Variants in CHRNA9 observed in about 807,000 individuals in gnomAD.
CHRNA9 encodes neuronal acetylcholine receptor subunit alpha-9.
A neutral mutation model predicts 36.8 loss-of-function variants in CHRNA9; 24 were observed. The ratio of observed to expected loss-of-function variants is 0.65; its 90% CI spans 0.47 to 0.92. The LOEUF (loss-of-function observed/expected upper bound fraction) is 0.92, where lower values mean the gene tolerates loss of function less well. Among genes scored for constraint, CHRNA9 ranks in the 40% least tolerant of loss-of-function variants. The pLI is 0.00. For missense variants in CHRNA9, 610 were observed against 601.2 expected, an observed-to-expected ratio of 1.01 and a Z score of -0.15; for synonymous variants, 231 against 231.8, an observed-to-expected ratio of 1.00 and a Z score of 0.03.
rs748025938 is a variant in CHRNA9 at position 40,335,964 on chromosome 4, A to G, written c.202A>G (p.Lys68Glu). The G allele has an allele frequency of 3.8e-5, 62 of 1,612,470 alleles. No individual in the cohort carries two copies. The highest frequency in any genetic ancestry group is 3.9e-5 in the Non-Finnish European group (46 of 1,178,616). The change falls in exon 2 of 5, where the codon AAG becomes GAG. Residue 68 changes from lysine (K) to glutamate (E), a missense_variant. By Grantham distance (56) the Lys-to-Glu change is moderately conservative. Coordinates refer to ENST00000310169, the MANE Select transcript of CHRNA9 (RefSeq NM_017581.4). ...VTLQITLSQI[K>E]DMDERNQILT... ...CCTGCAGATTACGCTCTCTCAGATT[A>G]AGGATATGGTGAGTAACACATGGTG...
At chr4:40,338,840 GTC>G (rs954904020) in intron 3 of CHRNA9, among the ~76,000 whole-genome samples, 7 of 137,988 alleles carry the variant, frequency 5.1e-5, no homozygotes, top group Non-Finnish European at 4.6e-5. Flanking sequence ...CGCTCTCTCT[GTC>G]TCTGTCTCTG....
chr4:40,350,130 T>G (rs1017436996), intron 4 of CHRNA9, among the ~76,000 whole-genome samples: 1 of 152,224 alleles, frequency 6.6e-6, no homozygotes, highest in South Asian at 2.1e-4. Context: ...ATGTGCTTTT[T>G]AAGCCTGACA....
rs578101776 is a variant in CHRNA9 at position 40,352,657 on chromosome 4, C to A, written c.899-1322C>A. 8.5e-5 allele frequency among the ~76,000 whole-genome samples: 13 copies of A among 152,134 alleles called. No individual in the cohort carries two copies. In the South Asian group the frequency reaches 2.5e-3, roughly 29 times the overall value. ...AGTTTATCAATTTTATTACTCTTTT[C>A]AAAAGTTTGCTTTTGGTTTTATTCA... On this transcript the variant is annotated intron_variant, in intron 4 of 4. Coordinates refer to ENST00000310169, the MANE Select transcript of CHRNA9 (RefSeq NM_017581.4).
At chr4:40,346,862 G>A (rs1182516132) in intron 3 of CHRNA9, among the ~76,000 whole-genome samples, 4 of 152,058 alleles carry the variant, frequency 2.6e-5, no homozygotes, top group Non-Finnish European at 5.9e-5. Context: ...CCAGGCTGGA[G>A]TGCAGTGGTG....
chr4:40,355,194 G>A lies in CHRNA9; in HGVS notation c.*674G>A, dbSNP rs898502111. On this transcript the variant is annotated 3_prime_UTR_variant, in exon 5 of 5. Transcript: ENST00000310169. ...TGAAGCTGTTCCTGCATTTAGTCTTGTATTAAAATAAGGTGATTAGCAAGC... is the reference window on the plus strand; with the variant it reads ...TGAAGCTGTTCCTGCATTTAGTCTTATATTAAAATAAGGTGATTAGCAAGC... The A allele has an allele frequency of 6.6e-6, 1 of 152,176 alleles. No homozygotes were observed. The highest frequency in any genetic ancestry group is 1.5e-5 in the Non-Finnish European group (1 of 68,038). 9.4% of individuals were successfully genotyped at this position (152,176 alleles called of 1,614,324 possible). A position where few individuals can be genotyped will look rare whatever the true frequency, so the allele number is the denominator to read the frequency against.
chr4:40,351,988 A>G (rs9968307), intron 4 of CHRNA9, among the ~76,000 whole-genome samples: 20,804 of 152,184 alleles, frequency 0.14, 1,435 homozygotes, highest in Middle Eastern at 0.16. Context: ...AATGAACTGG[A>G]CAGTTTTCCC....
intron 3 of CHRNA9, among the ~76,000 whole-genome samples, chr4:40,340,397 C>G (rs1712463977): frequency 1.3e-5 from 2 of 152,132 alleles, no homozygotes. Context: ...AGAGGAACCT[C>G]TAAATGGAGC....
At chr4:40,339,552 A>G (rs112290850) in intron 3 of CHRNA9, among the ~76,000 whole-genome samples, 21,193 of 149,588 alleles carry the variant, frequency 0.14, 1,525 homozygotes, top group Middle Eastern at 0.16. Flanking sequence ...GTATGGTGGC[A>G]GGCACCAGGA....
chr4:40,354,660 T>C lies in CHRNA9; in HGVS notation c.*140T>C. On this transcript the variant is annotated 3_prime_UTR_variant, in exon 5 of 5. Transcript: ENST00000310169. ...CTTTTTATTTTTAGCTTCAAATGAATGTCGAAGCTATCTGCTCTGTTAAAT... is the reference window on the plus strand; with the variant it reads ...CTTTTTATTTTTAGCTTCAAATGAACGTCGAAGCTATCTGCTCTGTTAAAT... The C allele has an allele frequency of 1.4e-6, 1 of 739,166 alleles. No homozygotes were observed. Among genetic ancestry groups the C allele is most frequent in the Non-Finnish European group, 2.2e-6 (1 of 448,760 alleles). 45.8% of individuals were successfully genotyped at this position (739,166 alleles called of 1,614,324 possible). A position where few individuals can be genotyped will look rare whatever the true frequency, so the allele number is the denominator to read the frequency against.
rs1712858411 is a variant in CHRNA9, at chr4:40,353,418, G to A, written c.899-561G>A. Among the ~76,000 whole-genome samples, 3 of 151,966 alleles carry A rather than the reference G, an allele frequency of 2.0e-5. No individual in the cohort carries two copies. The South Asian group carries it at 6.2e-4, about 32-fold the overall frequency. The stretch of plus-strand genomic sequence containing the variant: ...AGGCAGGAGAATCACTTGAACCTGG[G>A]AGCCAGAGGTTGCAGTGAGCTGAGA... On this transcript the variant is annotated intron_variant, in intron 4 of 4. Coordinates refer to ENST00000310169, the MANE Select transcript of CHRNA9 (RefSeq NM_017581.4).
chr4:40,348,784 C>T, intron 3 of CHRNA9, 98 bp from the exon 4 acceptor site: 1 of 1,243,292 alleles, frequency 8.0e-7, no homozygotes, highest in Non-Finnish European at 1.1e-6. Context: ...GGTCCATTGC[C>T]AAAACACTGA....
intron 3 of CHRNA9, among the ~76,000 whole-genome samples, chr4:40,340,012 C>T (rs955317454): frequency 6.6e-5 from 10 of 152,230 alleles, no homozygotes; most frequent in East Asian, 1.9e-4. Flanking sequence ...TCAAACAGAA[C>T]GGTGGTCCCC....
At chr4:40,339,072 G>A (rs1410127075) in intron 3 of CHRNA9, among the ~76,000 whole-genome samples, 1 of 152,024 alleles carries the variant, frequency 6.6e-6, no homozygotes, top group East Asian at 1.9e-4. Context: ...GAGGTCAGGA[G>A]TTCGAGAACA....
At chr4:40,353,154 G>A (rs1449176719) in intron 4 of CHRNA9, among the ~76,000 whole-genome samples, 2 of 152,122 alleles carry the variant, frequency 1.3e-5, no homozygotes, top group Non-Finnish European at 2.9e-5. Context: ...AAAGTCTAGG[G>A]AGTGATAAAG....
At chr4:40,340,288 A>G (rs927320775) in intron 3 of CHRNA9, among the ~76,000 whole-genome samples, 15 of 152,046 alleles carry the variant, frequency 9.9e-5, no homozygotes, top group African/African-American at 3.4e-4. Flanking sequence ...TTGACTCTTT[A>G]GTCATCTCTG....
intron 3 of CHRNA9, among the ~76,000 whole-genome samples, chr4:40,344,753 A>G (rs532082365): frequency 6.6e-6 from 1 of 152,210 alleles, no homozygotes; most frequent in African/African-American, 2.4e-5. Context: ...AGAAGTAAAT[A>G]AGAATTTTAA....
chr4:40,335,785 A>G (rs1458747681), intron 1 of CHRNA9, 42 bp from the exon 2 acceptor site: 2 of 1,590,390 alleles, frequency 1.3e-6, no homozygotes, highest in East Asian at 2.2e-5. Flanking sequence ...TGAAATACAC[A>G]CAACACTCTG....
Position 40,354,583 on chromosome 4 carries a change from T to C in CHRNA9, c.*63T>C. 4 of 1,342,916 alleles carry C rather than the reference T, an allele frequency of 3.0e-6. No homozygotes were observed. The East Asian group carries it at 6.9e-5, about 23-fold the overall frequency. The allele number at this position is 1,342,916 out of a possible 1,614,324, so 83.2% of individuals were successfully genotyped here. On this transcript the variant is annotated 3_prime_UTR_variant, in exon 5 of 5. Transcript: ENST00000310169. ...TACAATTCCCTGTGATCTATTCCAATGTTCTTCCAAGATTTTTGTTCATCT... is the reference window on the plus strand; with the variant it reads ...TACAATTCCCTGTGATCTATTCCAACGTTCTTCCAAGATTTTTGTTCATCT...
intron 3 of CHRNA9, among the ~76,000 whole-genome samples, chr4:40,343,568 G>A (rs1712560006): frequency 6.6e-6 from 1 of 152,212 alleles, no homozygotes; most frequent in African/African-American, 2.4e-5. Flanking sequence ...ACTTCGAGAT[G>A]AGATTTGGGT....
Sources: gnomAD v4.1 joint callset for allele counts (sites outside exome capture counted in the v4.1 genomes callset) on GRCh38, gnomAD v4.1.1 for gene constraint, MANE v1.5 for transcripts, NCBI Gene and HGNC (gene_info 2026-07-23, HGNC 2026-07-21) for gene names.